Variants in TRHDE observed in about 807,000 individuals in gnomAD.
TRHDE encodes the protein thyrotropin releasing hormone degrading enzyme.
A neutral mutation model predicts 125.7 loss-of-function variants in TRHDE; 72 were observed. That is an observed-to-expected ratio of 0.57 (90% confidence interval 0.47 to 0.70). The LOEUF (loss-of-function observed/expected upper bound fraction) is 0.70. Ranked by LOEUF, TRHDE falls within the 30% of genes least tolerant of loss-of-function variation. The pLI, the probability that TRHDE is intolerant of heterozygous loss-of-function variation, is 0.00. For synonymous variants in TRHDE, 509 were observed against 509.1 expected (o/e 1.00, Z 0.00); for missense variants, 1,110 against 1,327.1 (o/e 0.84, Z 2.54).
At chr12:72,622,443 G>A (rs1340587630) in intron 15 of TRHDE, among the ~76,000 whole-genome samples, 1 of 151,952 alleles carries the variant, frequency 6.6e-6, no homozygotes, top group Non-Finnish European at 1.5e-5. Context: ...ATTTTCAAGG[G>A]TATTAATGTA....
chr12:72,540,176 T>G (rs1869073775), intron 6 of TRHDE, among the ~76,000 whole-genome samples: 1 of 151,772 alleles, frequency 6.6e-6, no homozygotes, highest in Non-Finnish European at 1.5e-5. Context: ...ATTTTAGCTT[T>G]GGAAAGAAAA....
At chr12:72,267,862 C>T (rs1199117060), upstream of TRHDE, among the ~76,000 whole-genome samples, 1 of 151,726 alleles carries the variant, frequency 6.6e-6, no homozygotes, top group East Asian at 1.9e-4. Flanking sequence ...GAAATTTCAC[C>T]ATCTCAATTA....
intron 6 of TRHDE, among the ~76,000 whole-genome samples, chr12:72,531,040 T>A (rs1442136865): frequency 2.0e-5 from 3 of 152,028 alleles, no homozygotes; most frequent in African/African-American, 7.2e-5. Context: ...TAGCATAACA[T>A]TTTCTTCCCC....
At chr12:72,265,136 A>G (rs1258865390) in intron 2 of TRHDE, among the ~76,000 whole-genome samples, 1 of 151,820 alleles carries the variant, frequency 6.6e-6, no homozygotes, top group African/African-American at 2.4e-5. Flanking sequence ...TAAAAAAAAA[A>G]GACCCAACAT....
chr12:72,133,262 T>A (rs1215355284), intron 2 of TRHDE, among the ~76,000 whole-genome samples: 2 of 152,038 alleles, frequency 1.3e-5, no homozygotes, highest in Non-Finnish European at 2.9e-5. Flanking sequence ...AATTAGTGAG[T>A]CCTAGTGAAA....
rs1018860255 is a variant in TRHDE at position 72,272,601 on chromosome 12, G to T, written c.-43G>T. 1.4e-4 allele frequency: 114 copies of T among 800,618 alleles called. No homozygotes were observed. Among genetic ancestry groups the T allele is most frequent in the Admixed American group, 2.5e-4 (8 of 32,120 alleles). The allele number at this position is 800,618 out of a possible 1,614,324, so 49.6% of individuals were successfully genotyped here. A position where few individuals can be genotyped will look rare whatever the true frequency, so the allele number is the denominator to read the frequency against. ...GCTGTGGCCCGGGTGGCCCGCCCGC[G>T]GGGGGTGCCAGAGGGGGCGGGGGAG... is the stretch of plus-strand genomic sequence containing the variant. On this transcript the variant is annotated 5_prime_UTR_variant, in exon 1 of 19. Transcript: ENST00000261180. The surrounding 1 kb of genome is among the most constrained non-coding windows in gnomAD (Gnocchi z 6.7).
chr12:72,374,327 GT>G (rs1871774628), intron 2 of TRHDE, among the ~76,000 whole-genome samples: 1 of 149,656 alleles, frequency 6.7e-6, no homozygotes, highest in Non-Finnish European at 1.5e-5. Context: ...GTGTGTGTGT[GT>G]GTGTGATATC....
chr12:72,559,791 A>T (rs1449662850), intron 7 of TRHDE, among the ~76,000 whole-genome samples: 1 of 152,180 alleles, frequency 6.6e-6, no homozygotes, highest in African/African-American at 2.4e-5. Context: ...AGAACTTAAA[A>T]TATTTTTATT....
intron 7 of TRHDE, 35 bp from the exon 8 acceptor site, chr12:72,562,130 C>G (rs1870206565): frequency 9.4e-7 from 1 of 1,063,072 alleles, no homozygotes; most frequent in East Asian, 2.5e-5. Flanking sequence ...ACTGTTTAAC[C>G]TTTGAATTAC....
At chr12:72,146,139 G>A (rs1876221622) in intron 2 of TRHDE, among the ~76,000 whole-genome samples, 2 of 152,206 alleles carry the variant, frequency 1.3e-5, no homozygotes, top group Non-Finnish European at 1.5e-5. Flanking sequence ...CTTGAGGAAA[G>A]TGTATATTTA....
chr12:72,284,381 G>GAA, intron 1 of TRHDE, among the ~76,000 whole-genome samples: 2 of 152,190 alleles, frequency 1.3e-5, no homozygotes, highest in Middle Eastern at 6.8e-3. Context: ...TAGCCTCAGT[G>GAA]AAAAATATTA....
chr12:72,133,353 T>G (rs928844888), intron 2 of TRHDE, among the ~76,000 whole-genome samples: 3 of 152,032 alleles, frequency 2.0e-5, no homozygotes, highest in African/African-American at 7.2e-5. Context: ...TTGACAACAA[T>G]TTGAAAGTGG....
chr12:72,388,149 G>T (rs1482568916), intron 3 of TRHDE, among the ~76,000 whole-genome samples: 1 of 151,658 alleles, frequency 6.6e-6, no homozygotes, highest in Admixed American at 6.6e-5. Context: ...CTTTGTTCTT[G>T]TTCTTCCCTC....
At position 72,361,729 on chromosome 12, in the gene TRHDE, C is replaced by G. The variant is rs1422856669; in HGVS notation, c.1189-16266C>G. Among the ~76,000 whole-genome samples the G allele has an allele frequency of 3.5e-3, 446 of 126,458 alleles. 1 individual carries two copies. Among genetic ancestry groups the G allele is most frequent in the African/African-American group, 0.012 (396 of 33,368 alleles). 83.0% of individuals were successfully genotyped at this position (126,458 alleles called of 152,430 possible). On this transcript the variant is annotated intron_variant, in intron 2 of 18. Transcript: ENST00000261180. ...CCTCCCACCTCCCCCCACCCCACAA[C>G]AGTCCCCAGAGTGTGATGTTCCCCT... is the stretch of plus-strand genomic sequence containing the variant.
At chr12:72,266,816 A>C (rs758464951) in intron 2 of TRHDE, among the ~76,000 whole-genome samples, 3 of 152,104 alleles carry the variant, frequency 2.0e-5, no homozygotes, top group Non-Finnish European at 4.4e-5. Context: ...TCTACTAATT[A>C]AATGACTCTG....
intron 2 of TRHDE, among the ~76,000 whole-genome samples, chr12:72,133,200 A>C (rs547016606): frequency 5.3e-5 from 8 of 152,372 alleles, no homozygotes; most frequent in African/African-American, 1.9e-4. Flanking sequence ...TAAAGAAATA[A>C]GAGTTTGAAA....
At chr12:72,621,778 T>G (rs924418276) in intron 15 of TRHDE, 27 bp downstream of exon 15, 1 of 1,509,432 alleles carries the variant, frequency 6.6e-7, no homozygotes, top group Non-Finnish European at 9.1e-7. Context: ...CCTGTATTTC[T>G]GATATTATTT....
chr12:72,550,054 A>G (rs964581073), intron 7 of TRHDE, among the ~76,000 whole-genome samples: 2 of 151,844 alleles, frequency 1.3e-5, no homozygotes, highest in African/African-American at 4.8e-5. Context: ...TCTTTTATCT[A>G]TTAGTTAAGG....
At chr12:72,158,510 A>T (rs1401311110) in intron 2 of TRHDE, among the ~76,000 whole-genome samples, 3 of 151,894 alleles carry the variant, frequency 2.0e-5, no homozygotes, top group Non-Finnish European at 2.9e-5. Context: ...TATTATTTTT[A>T]TATTAGAAAC....
Sources: allele counts gnomAD v4.1 joint callset (sites outside exome capture counted in the v4.1 genomes callset), GRCh38; gene constraint gnomAD v4.1.1; non-coding constraint Gnocchi (gnomAD v3.1); transcripts MANE v1.5; gene names NCBI Gene and HGNC (gene_info 2026-07-23, HGNC 2026-07-21).